The following RRBP1 variants were observed in gnomAD, a reference collection of about 807,000 sequenced individuals.
The protein encoded by RRBP1 is ribosome binding protein 1, also known as ribosome-binding protein 1.
A neutral mutation model predicts 165.2 loss-of-function variants in RRBP1; 94 were observed. The ratio of observed to expected loss-of-function variants is 0.57; its 90% CI spans 0.48 to 0.68. The LOEUF (loss-of-function observed/expected upper bound fraction) is 0.68. Among genes scored for constraint, RRBP1 ranks in the 30% least tolerant of loss-of-function variants. The pLI is 0.00. For missense variants in RRBP1, 1,676 were observed against 1,763.0 expected (o/e 0.95, Z 0.88); for synonymous variants, 680 against 714.5 (o/e 0.95, Z 0.77).
At chr20:17,661,681 T>G (rs6034880) in intron 2 of RRBP1, among the ~76,000 whole-genome samples, 151,487 of 152,252 alleles carry the variant, frequency 0.99, 75,366 homozygotes, top group Middle Eastern at 1. Context: ...GAAGGGGTGG[T>G]TAAGGGGAGG....
chr20:17,622,696 G>A (rs2035938416), intron 13 of RRBP1, among the ~76,000 whole-genome samples: 1 of 152,126 alleles, frequency 6.6e-6, no homozygotes, highest in African/African-American at 2.4e-5. Flanking sequence ...AGGGAATCAT[G>A]AAGCAAAGCC....
intron 12 of RRBP1, among the ~76,000 whole-genome samples, chr20:17,624,962 G>A (rs1227973191): frequency 6.6e-6 from 1 of 152,208 alleles, no homozygotes; most frequent in Non-Finnish European, 1.5e-5. Context: ...GTCCTCAAAG[G>A]GAAGAGGTTC....
intron 21 of RRBP1, 94 bp downstream of exon 21, chr20:17,616,638 G>T: frequency 3.7e-6 from 3 of 800,836 alleles, no homozygotes; most frequent in Non-Finnish European, 6.0e-6. Flanking sequence ...GGAGGCTGGA[G>T]CAGCCAGTGC....
chr20:17,619,674 C>T lies in RRBP1; in HGVS notation c.3634G>A (p.Ala1212Thr), dbSNP rs1305959788. 1.1e-5 allele frequency: 17 copies of T among 1,612,602 alleles called. No individual in the cohort carries two copies. The highest frequency in any genetic ancestry group is 2.2e-5 in the South Asian group (2 of 90,970). The change falls in exon 19 of 25, where the codon GCC (alanine) becomes ACC (threonine). Residue 1212 changes from alanine to threonine, a missense_variant. Ala to Thr is a moderately conservative substitution (Grantham distance 58). Transcript: ENST00000377813. The stretch of plus-strand genomic sequence containing the variant: ...GCGTAGTTCTGGCACTCGGCGCTGG[C>T]GGCCGCCATGTGCTTTTCCAGCTCT... The part of the protein sequence containing the change: ...EAELEKHMAA[A>T]SAECQNYAKE...
At chr20:17,638,509 G>T (rs756920832) in intron 5 of RRBP1, among the ~76,000 whole-genome samples, 1 of 152,126 alleles carries the variant, frequency 6.6e-6, no homozygotes, top group Non-Finnish European at 1.5e-5. Context: ...TCCCAAGGCC[G>T]CCAGGATTCA....
At chr20:17,619,081 C>A in intron 19 of RRBP1, 1 of 139,900 alleles carries the variant, frequency 7.1e-6, no homozygotes, top group South Asian at 1.5e-4. Context: ...CACCAGTGTG[C>A]CTGGCTTTTT....
At chr20:17,619,791 C>A (rs764642614) in intron 18 of RRBP1, 63 bp from the exon 19 acceptor site, 509 of 1,268,536 alleles carry the variant, frequency 4.0e-4, no homozygotes, top group Non-Finnish European at 5.3e-4. Flanking sequence ...GGGCACTCAC[C>A]TCAGGGAGCA....
Position 17,618,902 on chromosome 20 carries a change from A to G in RRBP1, c.3676-223T>C, listed in dbSNP as rs2035854412. The G allele has an allele frequency of 5.5e-6, 3 of 545,792 alleles. No homozygotes were observed. In the South Asian group the frequency reaches 6.7e-5, roughly 12 times the overall value. The allele number at this position is 545,792 out of a possible 1,614,324, so 33.8% of individuals were successfully genotyped here. A position where few individuals can be genotyped will look rare whatever the true frequency, so the allele number is the denominator to read the frequency against. On this transcript the variant is annotated intron_variant, in intron 19 of 24. Transcript: ENST00000377813. The stretch of plus-strand genomic sequence containing the variant: ...ATGGTGTTCACTGCGTACCTCTTTC[A>G]GGCCTTCACAAATGTTTACTGATTA...
intron 2 of RRBP1, among the ~76,000 whole-genome samples, chr20:17,664,182 A>C (rs938009043): frequency 2.0e-5 from 3 of 152,180 alleles, no homozygotes; most frequent in African/African-American, 7.2e-5. Context: ...GGGTGACTCA[A>C]ACACACGCAC....
At chr20:17,644,755 G>A (rs1441900751) in intron 3 of RRBP1, among the ~76,000 whole-genome samples, 2 of 152,174 alleles carry the variant, frequency 1.3e-5, no homozygotes, top group African/African-American at 2.4e-5. Context: ...GATGTGCTAT[G>A]AGTGGAAAGT....
chr20:17,678,715 T>C (rs993086159), intron 2 of RRBP1, among the ~76,000 whole-genome samples: 1 of 152,206 alleles, frequency 6.6e-6, no homozygotes, highest in African/African-American at 2.4e-5. Flanking sequence ...ATGTGGCTAA[T>C]TTGACTCAGA....
chr20:17,635,734 G>A (rs2036235618), intron 6 of RRBP1, 70 bp from the exon 7 acceptor site: 1 of 1,163,232 alleles, frequency 8.6e-7, no homozygotes, highest in Non-Finnish European at 1.3e-6. Flanking sequence ...CTGAGCAGTG[G>A]TTAGTGAAGA....
chr20:17,671,291 G>C (rs775247952), intron 2 of RRBP1, among the ~76,000 whole-genome samples: 14 of 152,142 alleles, frequency 9.2e-5, no homozygotes, highest in Non-Finnish European at 1.6e-4. Context: ...TCTTCCTGCT[G>C]GTCCTCATTC....
intron 9 of RRBP1, among the ~76,000 whole-genome samples, chr20:17,628,381 T>C (rs2036074648): frequency 6.6e-6 from 1 of 152,164 alleles, no homozygotes; most frequent in Non-Finnish European, 1.5e-5. Flanking sequence ...ACACCCGCCA[T>C]CTGTCAAGTT....
chr20:17,660,651 A>C, intron 2 of RRBP1, 123 bp from the exon 3 acceptor site: 1 of 655,414 alleles, frequency 1.5e-6, no homozygotes, highest in Non-Finnish European at 2.6e-6. Context: ...AATTCAGAGA[A>C]GAAACAAACC....
At chr20:17,680,361 A>C (rs8118787) in intron 1 of RRBP1, among the ~76,000 whole-genome samples, 7,519 of 152,210 alleles carry the variant, frequency 0.049, 624 homozygotes, top group African/African-American at 0.17. Flanking sequence ...AGAGGTATCT[A>C]ATGTGAGATA....
chr20:17,673,304 G>C (rs1351873380), intron 2 of RRBP1, among the ~76,000 whole-genome samples: 3 of 152,196 alleles, frequency 2.0e-5, no homozygotes, highest in Admixed American at 6.5e-5. Context: ...ACTGAGGCCA[G>C]GGTCAAGGCA....
intron 6 of RRBP1, among the ~76,000 whole-genome samples, chr20:17,636,005 G>A (rs1438523722): frequency 3.3e-5 from 5 of 152,196 alleles, no homozygotes; most frequent in Non-Finnish European, 5.9e-5. Context: ...CACATGCACC[G>A]CCTCTAACCC....
chr20:17,642,236 C>G (rs553179286), intron 4 of RRBP1, among the ~76,000 whole-genome samples: 1 of 152,338 alleles, frequency 6.6e-6, no homozygotes, highest in African/African-American at 2.4e-5. Context: ...GGAGCCTACC[C>G]GAGCCGGGCG....
Sources: allele counts gnomAD v4.1 joint callset (sites outside exome capture counted in the v4.1 genomes callset), GRCh38; gene constraint gnomAD v4.1.1; transcripts MANE v1.5; gene names NCBI Gene and HGNC (gene_info 2026-07-23, HGNC 2026-07-21).